Variants in TCEANC observed in about 807,000 individuals in gnomAD.
TCEANC encodes transcription elongation factor A N-terminal and central domain-containing protein.
In TCEANC, 8 loss-of-function variants were observed where a neutral mutation model predicts 8.7. The ratio of observed to expected loss-of-function variants is 0.92; its 90% CI spans 0.54 to 1.65. The LOEUF is 1.65. TCEANC is among the 40% of genes most tolerant of loss of function. TCEANC has a pLI of 0.00. For missense variants in TCEANC, 255 were observed against 251.9 expected, an observed-to-expected ratio of 1.01 and a Z score of -0.08; for synonymous variants, 78 against 92.9, an observed-to-expected ratio of 0.84 and a Z score of 0.92.
intron 1 of TCEANC, among the ~76,000 whole-genome samples, 42 bp downstream of exon 4, chrX:13,661,164 T>C (rs2045964295): frequency 9.0e-6 from 1 of 111,306 alleles, no homozygotes; most frequent in African/African-American, 3.3e-5. Context: ...TGTTTAGTCT[T>C]TTATATAGTT....
upstream of TCEANC, among the ~76,000 whole-genome samples, chrX:13,653,570 T>C (rs771104452): frequency 9.0e-6 from 1 of 111,595 alleles, no homozygotes; most frequent in East Asian, 2.8e-4. Flanking sequence ...CAGTGCTGAG[T>C]GGCTGTTCAG....
At chrX:13,657,807 C>CAAA (rs34205512) in intron 1 of TCEANC, among the ~76,000 whole-genome samples, 8 of 68,840 alleles carry the variant, frequency 1.2e-4, no homozygotes, top group African/African-American at 2.8e-4. Context: ...GACTCCATCT[C>CAAA]AAAAAAAAAA....
chrX:13,659,470 G>T (rs1209310120), intron 1 of TCEANC, among the ~76,000 whole-genome samples, 182 bp from the exon 3 acceptor site: 3 of 112,031 alleles, frequency 2.7e-5, no homozygotes, highest in Non-Finnish European at 5.6e-5. Flanking sequence ...CCAGCAAAAT[G>T]AGTAAATCTA....
At chrX:13,662,087 G>A (rs2045970285) in intron 1 of TCEANC, among the ~76,000 whole-genome samples, 1 of 111,945 alleles carries the variant, frequency 8.9e-6, no homozygotes. Context: ...GGGAAAAATT[G>A]TCTAGCACTG....
chrX:13,662,730 G>A (rs1486468380), exon 2 of TCEANC: 2 of 1,211,548 alleles, frequency 1.7e-6, no homozygotes, highest in Non-Finnish European at 1.1e-6. Flanking sequence ...TGCTATCAAA[G>A]TGGAAAGCTG....
chrX:13,657,126 T>G (rs184854093), intron 1 of TCEANC, among the ~76,000 whole-genome samples: 1 of 112,464 alleles, frequency 8.9e-6, no homozygotes, highest in Admixed American at 9.4e-5. Context: ...CTAAGAACAC[T>G]GAAGTGTTTA....
chrX:13,657,118 A>G (rs2146724659), intron 1 of TCEANC, among the ~76,000 whole-genome samples: 1 of 112,615 alleles, frequency 8.9e-6, no homozygotes, highest in East Asian at 2.8e-4. Flanking sequence ...TACACAGGCT[A>G]AGAACACTGA....
At chrX:13,665,368 C>T (rs56870773) in exon 2 of TCEANC, 10,070 of 123,053 alleles carry the variant, frequency 0.082, 960 homozygotes, top group African/African-American at 0.28. Flanking sequence ...TGGAATTTGG[C>T]AAACTAAATG....
chrX:13,658,863 T>C (rs1406756854), intron 1 of TCEANC, among the ~76,000 whole-genome samples: 1 of 112,199 alleles, frequency 8.9e-6, no homozygotes, highest in Non-Finnish European at 1.9e-5. Flanking sequence ...GGCAGTCAGT[T>C]TTGTTTTGTT....
intron 1 of TCEANC, among the ~76,000 whole-genome samples, chrX:13,660,737 A>G (rs896984339): frequency 8.9e-6 from 1 of 112,702 alleles, no homozygotes; most frequent in Non-Finnish European, 1.9e-5. Context: ...ATTTTTGGCT[A>G]TTGTGAATAA....
upstream of TCEANC, among the ~76,000 whole-genome samples, chrX:13,654,091 A>G (rs769999274): frequency 4.4e-5 from 5 of 112,786 alleles, no homozygotes; most frequent in Non-Finnish European, 9.4e-5. Context: ...TGAATTTTCG[A>G]GAATTAGCAT....
exon 2 of TCEANC, chrX:13,663,523 T>C (rs1301076498): frequency 1.7e-6 from 2 of 1,165,293 alleles, no homozygotes; most frequent in African/African-American, 3.6e-5. Flanking sequence ...TTGTAACGAA[T>C]GTGGGGAGCA....
exon 2 of TCEANC, chrX:13,664,064 G>T (rs776067162): frequency 8.0e-6 from 1 of 124,312 alleles, no homozygotes; most frequent in Non-Finnish European, 1.9e-5. Context: ...TGGGACCCAG[G>T]CATCAACATT....
chrX:13,653,953 C>T (rs1408369790), upstream of TCEANC, among the ~76,000 whole-genome samples: 7 of 111,806 alleles, frequency 6.3e-5, no homozygotes, highest in Non-Finnish European at 1.3e-4. Flanking sequence ...CCTAAGCAAG[C>T]ATTATCCATA....
chrX:13,657,959 T>A (rs2045937077), intron 1 of TCEANC, among the ~76,000 whole-genome samples: 1 of 112,499 alleles, frequency 8.9e-6, no homozygotes, highest in African/African-American at 3.2e-5. Context: ...CATAATATTA[T>A]TCTGCCATGA....
At chrX:13,658,326 T>TA (rs1476673881) in intron 1 of TCEANC, among the ~76,000 whole-genome samples, 1 of 112,193 alleles carries the variant, frequency 8.9e-6, no homozygotes, top group Non-Finnish European at 1.9e-5. Context: ...GTATGTGAAT[T>TA]ACATCTGAAT....
At chrX:13,662,659 G>A in exon 2 of TCEANC, 1 of 1,211,752 alleles carries the variant, frequency 8.3e-7, no homozygotes, top group Non-Finnish European at 1.1e-6. Context: ...TGTGGTCAGA[G>A]CTGTGTACAG....
At chrX:13,660,993 C>T (rs895811607) in intron 1 of TCEANC, among the ~76,000 whole-genome samples, 38 bp from the exon 4 acceptor site, 15 of 111,036 alleles carry the variant, frequency 1.4e-4, no homozygotes, top group Non-Finnish European at 3.8e-5. Context: ...TACAGGTGCC[C>T]GCCACCACAC....
chrX:13,658,217 C>G (rs779451315), intron 1 of TCEANC, among the ~76,000 whole-genome samples: 33 of 111,740 alleles, frequency 3.0e-4, no homozygotes, highest in African/African-American at 1.0e-3. Context: ...GGTGGTGGCA[C>G]AGATAAATCT....
Sources: allele counts gnomAD v4.1 joint callset (sites outside exome capture counted in the v4.1 genomes callset), GRCh38; gene constraint gnomAD v4.1.1; transcripts MANE v1.5; gene names NCBI Gene and HGNC (gene_info 2026-07-23, HGNC 2026-07-21).